Variants in UBA3 observed in about 807,000 individuals in gnomAD.
The protein encoded by UBA3 is ubiquitin like modifier activating enzyme 3, also known as NEDD8-activating enzyme E1 catalytic subunit.
UBA3 carries 26 observed loss-of-function variants against 73.5 expected under a neutral mutation model. The ratio of observed to expected loss-of-function variants is 0.35; its 90% CI spans 0.26 to 0.49. The LOEUF (loss-of-function observed/expected upper bound fraction) is 0.49, where lower values mean the gene tolerates loss of function less well. Among genes scored for constraint, UBA3 ranks in the 20% least tolerant of loss-of-function variants. UBA3 has a pLI of 0.98. For missense variants in UBA3, 495 were observed against 555.6 expected (o/e 0.89, Z 1.10); for synonymous variants, 217 against 191.2 (o/e 1.13, Z -1.11).
At chr3:69,076,568 CT>C (rs199513758) in intron 3 of UBA3, 46 of 148,252 alleles carry the variant, frequency 3.1e-4, no homozygotes, top group Middle Eastern at 6.8e-3. Flanking sequence ...GTAACAGCTG[CT>C]TTTTTTTTTC....
chr3:69,068,710 G>T (rs9872553), intron 5 of UBA3, among the ~76,000 whole-genome samples: 76,800 of 151,766 alleles, frequency 0.51, 19,939 homozygotes, highest in East Asian at 0.82. Flanking sequence ...AGTCTCTAGG[G>T]AGGTGAGATT....
At position 69,061,837 on chromosome 3, in the gene UBA3, C is replaced by A. The variant is rs771628506; in HGVS notation, c.887G>T (p.Gly296Val). 6.2e-7 allele frequency: 1 copy of A among 1,607,262 alleles called. No homozygotes were observed. Among genetic ancestry groups the A allele is most frequent in the Non-Finnish European group, 8.5e-7 (1 of 1,177,136 alleles). The change falls in exon 11 of 18, where the codon GGT (glycine) becomes GTT (valine). Residue 296 changes from glycine (G) to valine (V), a missense_variant. Gly to Val is a moderately radical substitution (Grantham distance 109). Coordinates refer to ENST00000361055, the MANE Select transcript of UBA3 (RefSeq NM_003968.4). ...ACCTTGAGTGAGCCTATACGTAACACCCCTAATATTATATTGTGATGCTCT... is the reference window on the plus strand; with the variant it reads ...ACCTTGAGTGAGCCTATACGTAACAACCCTAATATTATATTGTGATGCTCT... The part of the protein sequence containing the change: ...LERASQYNIR[G>V]VTYRLTQGVV...
intron 11 of UBA3, 118 bp downstream of exon 11, chr3:69,061,696 C>A: frequency 1.7e-6 from 1 of 593,336 alleles, no homozygotes. Flanking sequence ...TTACATGGTA[C>A]CTTTACTGAA....
chr3:69,066,119 A>G (rs2092069473), intron 6 of UBA3, among the ~76,000 whole-genome samples: 1 of 152,144 alleles, frequency 6.6e-6, no homozygotes, highest in Non-Finnish European at 1.5e-5. Context: ...AGTTCAGTGT[A>G]TCAATTTTTT....
chr3:69,077,519 G>T, intron 3 of UBA3: 1 of 280,016 alleles, frequency 3.6e-6, no homozygotes, highest in Non-Finnish European at 6.9e-6. Flanking sequence ...TACAAAAGGG[G>T]AGTATGTTTC....
chr3:69,055,590 T>C (rs748062453), intron 17 of UBA3, 65 bp from the exon 18 acceptor site: 19 of 1,211,660 alleles, frequency 1.6e-5, no homozygotes, highest in Non-Finnish European at 2.1e-5. Context: ...AATACACATG[T>C]AAACAAACTA....
intron 5 of UBA3, 35 bp from the exon 6 acceptor site, chr3:69,068,043 A>ATAATT: frequency 7.7e-7 from 1 of 1,295,808 alleles, no homozygotes; most frequent in Non-Finnish European, 1.1e-6. Flanking sequence ...AATTCATATT[A>ATAATT]TAAATCTATA....
At chr3:69,059,825 T>C (rs927140580) in intron 11 of UBA3, among the ~76,000 whole-genome samples, 5 of 152,136 alleles carry the variant, frequency 3.3e-5, no homozygotes, top group African/African-American at 9.7e-5. Context: ...AAAAGGAAAC[T>C]ATAACTAGAT....
chr3:69,057,429 C>A, intron 11 of UBA3, 120 bp from the exon 12 acceptor site: 1 of 856,708 alleles, frequency 1.2e-6, no homozygotes, highest in South Asian at 1.7e-5. Flanking sequence ...ACTTTCAAGC[C>A]AGAAAATAAA....
At chr3:69,066,340 A>G (rs1559644082) in intron 6 of UBA3, among the ~76,000 whole-genome samples, 1 of 152,102 alleles carries the variant, frequency 6.6e-6, no homozygotes, top group Admixed American at 6.5e-5. Context: ...CTGCTTCCTC[A>G]GTGATCTGCA....
At chr3:69,061,216 C>T (rs533006190) in intron 11 of UBA3, among the ~76,000 whole-genome samples, 4 of 152,312 alleles carry the variant, frequency 2.6e-5, no homozygotes, top group African/African-American at 4.8e-5. Flanking sequence ...TATTTTGAGA[C>T]GAAGTTTTGC....
rs537893253 is a variant in UBA3, at chr3:69,060,834, C to T, written c.910+980G>A. On this transcript the variant is annotated intron_variant, in intron 11 of 17. Coordinates refer to ENST00000361055, the MANE Select transcript of UBA3 (RefSeq NM_003968.4). ...GGTTATTAAAAGAAGCCTGGTATTC[C>T]CTCCTCTCTCTCTTGCTCCCTCTCG... Among the ~76,000 whole-genome samples the T allele has an allele frequency of 8.5e-5, 13 of 152,248 alleles. No homozygotes were observed. In the South Asian group the frequency reaches 2.7e-3, roughly 32 times the overall value.
intron 4 of UBA3, among the ~76,000 whole-genome samples, chr3:69,073,403 C>T (rs995727139): frequency 6.6e-6 from 1 of 152,216 alleles, no homozygotes; most frequent in Non-Finnish European, 1.5e-5. Flanking sequence ...CTACAGATAA[C>T]TGTATGGCTC....
chr3:69,073,060 T>TC (rs1318684125), intron 4 of UBA3, among the ~76,000 whole-genome samples: 2 of 152,102 alleles, frequency 1.3e-5, no homozygotes, highest in Non-Finnish European at 1.5e-5. Context: ...CTCTGTTTCT[T>TC]CCCCCTCTCT....
chr3:69,072,280 AACTTTTCTGGTCTTGGTC>A (rs2092127245), intron 4 of UBA3, among the ~76,000 whole-genome samples: 1 of 152,236 alleles, frequency 6.6e-6, no homozygotes, highest in African/African-American at 2.4e-5. Flanking sequence ...CTCAATAACT[AACTTTTCTGGTCTTGGTC>A]AGTTTACTTC....
Position 69,080,355 on chromosome 3 carries a change from T to C in UBA3, c.-2A>G. On this transcript the variant is annotated 5_prime_UTR_variant, in exon 1 of 18. Transcript: ENST00000361055. ...TTACGGCTCCTCGCCATCCGCCATA[T>C]TGTTCTCCGCCTCTTCCCAGGTGCC... The C allele has an allele frequency of 6.2e-7, 1 of 1,600,664 alleles. No homozygotes were observed. The highest frequency in any genetic ancestry group is 8.5e-7 in the Non-Finnish European group (1 of 1,175,790).
chr3:69,077,898 C>T lies in UBA3; in HGVS notation c.83G>A (p.Cys28Tyr). The T allele has an allele frequency of 6.2e-7, 1 of 1,614,084 alleles. No individual in the cohort carries two copies. The highest frequency in any genetic ancestry group is 8.5e-7 in the Non-Finnish European group (1 of 1,180,010). ...LAEKMAVDGG[C>Y]GDTGDWEGRW... ...ACCTTCCCAGTCTCCAGTGTCCCCA[C>T]ACCCACCATCAACAGCCATTCTGCA... The change falls in exon 3 of 18, where the codon TGT becomes TAT. Residue 28 changes from cysteine to tyrosine, a missense_variant. Transcript: ENST00000361055.
In UBA3 at chr3:69,072,822, T is replaced by C. The variant is rs1043869244; in HGVS notation, c.265-1205A>G. 5.9e-5 allele frequency among the ~76,000 whole-genome samples: 9 copies of C among 152,348 alleles called. 1 individual carries two copies. The East Asian group carries it at 9.6e-4, about 16-fold the overall frequency. ...CTTCCTCATTGCAGTAACTTCCTCA[T>C]TGCAGTAACTCCATCTTTCCAGGTG... On this transcript the variant is annotated intron_variant, in intron 4 of 17. Coordinates refer to ENST00000361055, the MANE Select transcript of UBA3 (RefSeq NM_003968.4).
intron 4 of UBA3, among the ~76,000 whole-genome samples, chr3:69,074,297 T>C (rs565171306): frequency 5.9e-5 from 9 of 152,322 alleles, no homozygotes; most frequent in African/African-American, 2.2e-4. Flanking sequence ...CTAGAGTATT[T>C]ATGTTTGATA....
Sources: gnomAD v4.1 joint callset for allele counts (sites outside exome capture counted in the v4.1 genomes callset) on GRCh38, gnomAD v4.1.1 for gene constraint, MANE v1.5 for transcripts, NCBI Gene and HGNC (gene_info 2026-07-23, HGNC 2026-07-21) for gene names.